The following ACTR6 variants were observed in gnomAD, a reference collection of about 807,000 sequenced individuals.
ACTR6 encodes actin-related protein 6.
A neutral mutation model predicts 52.5 loss-of-function variants in ACTR6; 50 were observed. That is an observed-to-expected ratio of 0.95 (90% CI 0.76 to 1.20). The LOEUF (loss-of-function observed/expected upper bound fraction) is 1.20, where lower values mean the gene tolerates loss of function less well. ACTR6 is among the 50% of genes most tolerant of loss of function. The pLI is 0.00. For synonymous variants in ACTR6, 135 were observed against 147.2 expected (o/e 0.92, Z 0.60); for missense variants, 344 against 472.4 (o/e 0.73, Z 2.52).
At chr12:100,220,843 C>T (rs550701865) in intron 10 of ACTR6, among the ~76,000 whole-genome samples, 4 of 151,858 alleles carry the variant, frequency 2.6e-5, no homozygotes, top group Admixed American at 6.6e-5. Context: ...AAAAATTAGC[C>T]GGATGTGCTG....
intron 8 of ACTR6, among the ~76,000 whole-genome samples, chr12:100,216,783 A>G (rs534113987): frequency 2.0e-5 from 3 of 151,564 alleles, no homozygotes; most frequent in Admixed American, 2.0e-4. Flanking sequence ...GAATACTTCT[A>G]TGAGGCATAA....
intron 10 of ACTR6, among the ~76,000 whole-genome samples, chr12:100,221,182 C>T (rs2096128019): frequency 6.6e-6 from 1 of 152,066 alleles, no homozygotes; most frequent in African/African-American, 2.4e-5. Flanking sequence ...GTTTTCTTAC[C>T]TTGAGTGAGG....
chr12:100,219,996 C>T lies in ACTR6; in HGVS notation c.923-12C>T, dbSNP rs373336468. 2.5e-6 allele frequency: 4 copies of T among 1,609,842 alleles called. No homozygotes were observed. The African/African-American group carries it at 5.4e-5, about 22-fold the overall frequency. ...CCTTTTTTCCTTTCCTTCTCCTTTT[C>T]TTCTTTTAAAGAAATGCAGCCGCAT... On this transcript the variant is annotated splice_polypyrimidine_tract_variant and intron_variant, in intron 9 of 10. Coordinates refer to ENST00000188312, the MANE Select transcript of ACTR6 (RefSeq NM_022496.5).
intron 2 of ACTR6, 137 bp downstream of exon 2, chr12:100,205,194 TGGG>T: frequency 1.8e-6 from 1 of 545,078 alleles, no homozygotes; most frequent in Admixed American, 3.6e-5. Flanking sequence ...TTTAATTGTT[TGGG>T]TAAAAATAAA....
At chr12:100,205,790 T>A in intron 3 of ACTR6, 46 bp downstream of exon 3, 1 of 1,108,438 alleles carries the variant, frequency 9.0e-7, no homozygotes, top group Non-Finnish European at 1.3e-6. Flanking sequence ...CATGTTTAAT[T>A]GTAATGAAAA....
chr12:100,207,519 C>G, intron 3 of ACTR6, 144 bp from the exon 4 acceptor site: 1 of 704,334 alleles, frequency 1.4e-6, no homozygotes, highest in Non-Finnish European at 2.1e-6. Flanking sequence ...CTTTTCTGTG[C>G]CTCAGTTTGC....
chr12:100,205,845 C>T (rs2096114113), intron 3 of ACTR6, 101 bp downstream of exon 3: 4 of 615,352 alleles, frequency 6.5e-6, no homozygotes, highest in Non-Finnish European at 1.0e-5. Flanking sequence ...GAATAATGTT[C>T]TCCGCACATT....
Position 100,210,115 on chromosome 12 carries a change from C to A in ACTR6, c.422C>A (p.Ser141Tyr). Reference protein sequence around the residue: ...SAHRYFRDNPSELCCIIVDSG... With the variant: ...SAHRYFRDNPYELCCIIVDSG... ...CATAGGTATTTCCGAGATAATCCTT[C>A]CGAATTATGCTGTATCATTGTTGAT... is the stretch of plus-strand genomic sequence containing the variant. Residue 141 changes from serine (S) to tyrosine (Y), a missense_variant, in exon 5 of 11, where the codon TCC becomes TAC. Ser to Tyr is a moderately radical substitution (Grantham distance 144). Transcript: ENST00000188312. 1 of 1,609,242 alleles carries A rather than the reference C, an allele frequency of 6.2e-7. No homozygotes were observed.
chr12:100,208,522 G>A (rs1051375661), intron 4 of ACTR6, among the ~76,000 whole-genome samples: 4 of 152,214 alleles, frequency 2.6e-5, no homozygotes, highest in South Asian at 4.1e-4. Flanking sequence ...TGATCCACCC[G>A]CCTTGCCCTC....
intron 2 of ACTR6, 162 bp downstream of exon 2, chr12:100,205,219 TA>T (rs1168341540): frequency 1.9e-6 from 1 of 523,312 alleles, no homozygotes; most frequent in East Asian, 3.2e-5. Context: ...GACCATGATT[TA>T]GTTACTTATT....
chr12:100,213,862 A>C (rs2096121964), intron 8 of ACTR6, among the ~76,000 whole-genome samples: 1 of 152,238 alleles, frequency 6.6e-6, no homozygotes, highest in African/African-American at 2.4e-5. Flanking sequence ...TTGGGAAGTT[A>C]AAAATCTTTG....
chr12:100,212,231 A>G, intron 6 of ACTR6, 25 bp from the exon 7 acceptor site: 1 of 1,482,774 alleles, frequency 6.7e-7, no homozygotes, highest in Non-Finnish European at 9.1e-7. Flanking sequence ...TTTGCTTCAA[A>G]TTTTACAACT....
In ACTR6 at chr12:100,223,883, C is replaced by T; in HGVS notation, c.1159C>T (p.His387Tyr). The part of the protein sequence containing the change: ...VTREDYEENG[H>Y]SVCEEKFDI ...AAGAGAAGATTACGAAGAAAATGGA[C>T]ATAGCGTCTGTGAAGAGAAATTTGA... The change falls in exon 11 of 11, where the codon CAT (histidine) becomes TAT (tyrosine). Residue 387 changes from histidine (H) to tyrosine (Y), a missense_variant. Transcript: ENST00000188312. The T allele has an allele frequency of 6.2e-7, 1 of 1,610,416 alleles. No homozygotes were observed. Among genetic ancestry groups the T allele is most frequent in the Non-Finnish European group, 8.5e-7 (1 of 1,179,022 alleles).
chr12:100,213,101 T>G (rs1435404469), intron 8 of ACTR6, among the ~76,000 whole-genome samples: 2 of 151,626 alleles, frequency 1.3e-5, no homozygotes, highest in Admixed American at 6.6e-5. Flanking sequence ...GTTTTTTTGG[T>G]TTTTTTTGAG....
rs2096109085 is a variant in ACTR6, at chr12:100,200,906, C to A, written c.55C>A (p.His19Asn). Reference protein sequence around the residue: ...GAYNAKIGYSHENVSVIPNCQ... With the variant: ...GAYNAKIGYSNENVSVIPNCQ... ...TTACAACGCCAAAATCGGTTACAGC[C>A]ATGAAAATGTGTCGTAAGTACTTTC... The change falls in exon 1 of 11, where the codon CAT (histidine) becomes AAT (asparagine). Residue 19 changes from histidine (H) to asparagine (N), a missense_variant. His to Asn is a moderately conservative substitution (Grantham distance 68). Coordinates refer to ENST00000188312, the MANE Select transcript of ACTR6 (RefSeq NM_022496.5). The A allele has an allele frequency of 6.2e-7, 1 of 1,614,092 alleles. No individual in the cohort carries two copies. Among genetic ancestry groups the A allele is most frequent in the Non-Finnish European group, 8.5e-7 (1 of 1,180,002 alleles).
At position 100,201,767 on chromosome 12, in the gene ACTR6, G is replaced by A. The variant is rs533900347; in HGVS notation, c.68+848G>A. Among the ~76,000 whole-genome samples the A allele has an allele frequency of 1.2e-4, 19 of 152,246 alleles. 1 individual carries two copies. The South Asian group carries it at 3.9e-3, about 32-fold the overall frequency. On this transcript the variant is annotated intron_variant, in intron 1 of 10. Transcript: ENST00000188312. Reference sequence around the variant, plus strand: ...CTCCAGAGTAGCTGGGATTATAGGCGTGCACCACCACTCCCAGCGAATTTT... The same window carrying A: ...CTCCAGAGTAGCTGGGATTATAGGCATGCACCACCACTCCCAGCGAATTTT...
intron 9 of ACTR6, among the ~76,000 whole-genome samples, chr12:100,219,341 G>A (rs1349536900): frequency 6.6e-6 from 1 of 152,114 alleles, no homozygotes; most frequent in East Asian, 1.9e-4. Flanking sequence ...CTCTGCCCTT[G>A]TTTTACTGAA....
Position 100,213,283 on chromosome 12 carries a change from G to A in ACTR6, c.750+755G>A, listed in dbSNP as rs150130367. ...CATATTTGTATTTTTTGTAGAGGTG[G>A]GGTCCTACAGTGTTGCCTAGGCTGA... On this transcript the variant is annotated intron_variant, in intron 8 of 10. Coordinates refer to ENST00000188312, the MANE Select transcript of ACTR6 (RefSeq NM_022496.5). Among the ~76,000 whole-genome samples, 406 of 152,110 alleles carry A rather than the reference G, an allele frequency of 2.7e-3. 2 individuals are homozygous for A. The highest frequency in any genetic ancestry group is 9.2e-3 in the African/African-American group (382 of 41,516).
rs758012439 is a variant in ACTR6 at position 100,220,017 on chromosome 12, C to T, written c.932C>T (p.Pro311Leu). ...TTTTCTTCTTTTAAAGAAATGCAGC[C>T]GCATTTTTTTAAGAACATTGTCTTG... is the stretch of plus-strand genomic sequence containing the variant. ...SIQNLPEEMQ[P>L]HFFKNIVLTG... The change falls in exon 10 of 11, where the codon CCG (proline) becomes CTG (leucine). Residue 311 changes from proline (P) to leucine (L), a missense_variant. Pro to Leu is a moderately conservative substitution (Grantham distance 98, BLOSUM62 -3). Transcript: ENST00000188312. 9.3e-6 allele frequency: 15 copies of T among 1,612,170 alleles called. No homozygotes were observed. The highest frequency in any genetic ancestry group is 1.2e-5 in the Non-Finnish European group (14 of 1,179,286).
Sources: gnomAD v4.1 joint callset for allele counts (sites outside exome capture counted in the v4.1 genomes callset) on GRCh38, gnomAD v4.1.1 for gene constraint, MANE v1.5 for transcripts, NCBI Gene and HGNC (gene_info 2026-07-23, HGNC 2026-07-21) for gene names.